The following PDZD2 variants were observed in gnomAD, a reference collection of about 807,000 sequenced individuals.
PDZD2 encodes the protein PDZ domain containing 2.
Under a neutral mutation model 220.7 loss-of-function variants are expected in PDZD2, and 90 were observed. The observed-to-expected ratio is 0.41, with a 90% confidence interval of 0.34 to 0.49. The LOEUF is 0.49. Among genes scored for constraint, PDZD2 ranks in the 20% least tolerant of loss-of-function variants. The probability of loss-of-function intolerance (pLI) is 0.28; values close to 1 mark genes in which losing one functional copy is unlikely to be tolerated. For synonymous variants in PDZD2, 1,375 were observed against 1,450.5 expected, an observed-to-expected ratio of 0.95 and a Z score of 1.18; for missense variants, 3,174 against 3,608.5, an observed-to-expected ratio of 0.88 and a Z score of 3.08.
chr5:31,656,780 A>G (rs1745564102), intron 1 of PDZD2, among the ~76,000 whole-genome samples: 1 of 152,216 alleles, frequency 6.6e-6, no homozygotes, highest in African/African-American at 2.4e-5. Flanking sequence ...ATCAGATTCA[A>G]AGTAATAAAA....
chr5:32,048,004 G>A (rs1365611728), intron 7 of PDZD2, among the ~76,000 whole-genome samples: 1 of 152,168 alleles, frequency 6.6e-6, no homozygotes, highest in Admixed American at 6.5e-5. Flanking sequence ...TGAGGTTCTG[G>A]TTAATATTCT....
rs541118386 is a variant in PDZD2, at chr5:32,110,199, G to C, written c.*2064G>C. Reference sequence around the variant, plus strand: ...ATAATAATTAATTAATAAACGCACAGCCCTATGTGAACAGACAGGAATTTC... The same window carrying C: ...ATAATAATTAATTAATAAACGCACACCCCTATGTGAACAGACAGGAATTTC... On this transcript the variant is annotated 3_prime_UTR_variant, in exon 25 of 25. Transcript: ENST00000438447. The C allele has an allele frequency of 6.6e-6, 1 of 152,632 alleles. No homozygotes were observed. The highest frequency in any genetic ancestry group is 1.5e-5 in the Non-Finnish European group (1 of 68,032). 9.5% of individuals were successfully genotyped at this position (152,632 alleles called of 1,614,324 possible). A position where few individuals can be genotyped will look rare whatever the true frequency, so the allele number is the denominator to read the frequency against.
chr5:31,914,911 T>G (rs1474768228), intron 2 of PDZD2, among the ~76,000 whole-genome samples: 1 of 152,154 alleles, frequency 6.6e-6, no homozygotes, highest in Non-Finnish European at 1.5e-5. Flanking sequence ...GCATGAAATA[T>G]TTACAGTGAG....
intron 1 of PDZD2, among the ~76,000 whole-genome samples, chr5:31,748,311 T>A (rs1465596608): frequency 1.3e-5 from 2 of 152,104 alleles, no homozygotes; most frequent in Non-Finnish European, 2.9e-5. Flanking sequence ...TCAGAAGCCT[T>A]GGATTCTAGA....
At chr5:32,018,626 C>T (rs1187683968) in intron 6 of PDZD2, among the ~76,000 whole-genome samples, 2 of 152,244 alleles carry the variant, frequency 1.3e-5, no homozygotes, top group East Asian at 1.9e-4. Flanking sequence ...CCGCAGCAGG[C>T]GGCCACACAT....
intron 2 of PDZD2, among the ~76,000 whole-genome samples, chr5:31,890,940 G>T (rs1225461382): frequency 6.6e-6 from 1 of 152,060 alleles, no homozygotes; most frequent in Non-Finnish European, 1.5e-5. Context: ...AGGACAAATG[G>T]CATCCACTTG....
chr5:31,904,591 G>C (rs548298560), intron 2 of PDZD2, among the ~76,000 whole-genome samples: 1 of 152,156 alleles, frequency 6.6e-6, no homozygotes, highest in South Asian at 2.1e-4. Context: ...GCAGTGGCAC[G>C]ATCTCGGCTC....
At chr5:31,698,200 G>A (rs558737682) in intron 1 of PDZD2, among the ~76,000 whole-genome samples, 77 of 145,098 alleles carry the variant, frequency 5.3e-4, no homozygotes, top group Non-Finnish European at 8.5e-4. Flanking sequence ...CACCGCACCC[G>A]GCCCCTTCCT....
At chr5:32,103,955 A>G (rs928929503) in intron 24 of PDZD2, 2 of 152,276 alleles carry the variant, frequency 1.3e-5, no homozygotes, top group Admixed American at 6.5e-5. Context: ...GAAAACTGCT[A>G]TGGAAATGGA....
chr5:32,070,050 A>G (rs191703318), intron 15 of PDZD2, among the ~76,000 whole-genome samples: 176 of 152,324 alleles, frequency 1.2e-3, no homozygotes, highest in African/African-American at 4.2e-3. Flanking sequence ...GTTTCCATTC[A>G]AAAGGGTAAT....
chr5:31,980,056 C>G (rs150834374), intron 2 of PDZD2, among the ~76,000 whole-genome samples: 1 of 152,098 alleles, frequency 6.6e-6, no homozygotes, highest in Non-Finnish European at 1.5e-5. Flanking sequence ...TTTTAAAAAC[C>G]GAGACATATT....
intron 1 of PDZD2, among the ~76,000 whole-genome samples, chr5:31,734,473 C>G: frequency 6.6e-6 from 1 of 152,116 alleles, no homozygotes; most frequent in Non-Finnish European, 1.5e-5. Flanking sequence ...GCACCCGCCA[C>G]CACACCCAGC....
At chr5:31,667,954 T>C (rs924293512) in intron 1 of PDZD2, among the ~76,000 whole-genome samples, 1 of 142,688 alleles carries the variant, frequency 7.0e-6, no homozygotes, top group African/African-American at 2.6e-5. Flanking sequence ...CTCCATCTCC[T>C]GAGTTCAAGC....
At chr5:31,880,506 G>T (rs926431770) in intron 2 of PDZD2, among the ~76,000 whole-genome samples, 1 of 152,120 alleles carries the variant, frequency 6.6e-6, no homozygotes, top group Non-Finnish European at 1.5e-5. Flanking sequence ...TCTCTTTCTT[G>T]CTTTTCCAGA....
chr5:31,714,332 A>T (rs1748311285), intron 1 of PDZD2, among the ~76,000 whole-genome samples: 1 of 152,208 alleles, frequency 6.6e-6, no homozygotes, highest in South Asian at 2.1e-4. Context: ...CTAATGCTGT[A>T]TCTGTGGGTT....
intron 2 of PDZD2, among the ~76,000 whole-genome samples, chr5:31,903,528 G>C (rs1483521618): frequency 1.3e-5 from 2 of 149,840 alleles, no homozygotes; most frequent in African/African-American, 4.9e-5. Flanking sequence ...CATGCCTGTA[G>C]CCCCAGCTAC....
At chr5:32,005,165 C>A (rs1210999052) in intron 5 of PDZD2, among the ~76,000 whole-genome samples, 20 of 152,148 alleles carry the variant, frequency 1.3e-4, no homozygotes. Flanking sequence ...TGTCTTCACA[C>A]TTGAAGAGGG....
At chr5:31,886,397 T>C (rs1245247642) in intron 2 of PDZD2, among the ~76,000 whole-genome samples, 3 of 152,116 alleles carry the variant, frequency 2.0e-5, no homozygotes, top group East Asian at 1.9e-4. Context: ...TGCCACTCCT[T>C]CTTCCTCCCA....
chr5:31,861,820 G>A (rs998295532), intron 2 of PDZD2, among the ~76,000 whole-genome samples: 12 of 152,170 alleles, frequency 7.9e-5, no homozygotes, highest in African/African-American at 2.9e-4. Flanking sequence ...CTCCGGAAGT[G>A]CTTGGTGGTG....
Sources: allele counts gnomAD v4.1 joint callset (sites outside exome capture counted in the v4.1 genomes callset), GRCh38; gene constraint gnomAD v4.1.1; transcripts MANE v1.5; gene names NCBI Gene and HGNC (gene_info 2026-07-23, HGNC 2026-07-21).